Variants in ACOT12 observed in about 807,000 individuals in gnomAD.
ACOT12 encodes acetyl-coenzyme A thioesterase.
Under a neutral mutation model 67.7 loss-of-function variants are expected in ACOT12, and 51 were observed. The observed-to-expected ratio is 0.75, with a 90% CI of 0.60 to 0.95. The LOEUF is 0.95. Ranked by LOEUF, ACOT12 falls within the 40% of genes least tolerant of loss-of-function variation. ACOT12 has a pLI of 0.00. For missense variants in ACOT12, 734 were observed against 708.1 expected (o/e 1.04, Z -0.41); for synonymous variants, 251 against 244.6 (o/e 1.03, Z -0.24).
intron 3 of ACOT12, among the ~76,000 whole-genome samples, chr5:81,365,862 G>A (rs540121445): frequency 6.6e-6 from 1 of 152,204 alleles, no homozygotes; most frequent in East Asian, 1.9e-4. Flanking sequence ...GTGGGTTAGA[G>A]TACCAGAGAA....
At chr5:81,355,711 G>A (rs561688293) in intron 5 of ACOT12, among the ~76,000 whole-genome samples, 6 of 152,322 alleles carry the variant, frequency 3.9e-5, no homozygotes, top group African/African-American at 1.4e-4. Flanking sequence ...GAGTAAGTCC[G>A]GTGGGAGGAG....
chr5:81,316,341 A>G, the ACOT12 span, among the ~76,000 whole-genome samples: 1 of 152,096 alleles, frequency 6.6e-6, no homozygotes, highest in Non-Finnish European at 1.5e-5. Context: ...GGCATCTACT[A>G]ATTTACCTTC....
chr5:81,309,689 C>T, the ACOT12 span, among the ~76,000 whole-genome samples: 3 of 152,198 alleles, frequency 2.0e-5, no homozygotes, highest in Non-Finnish European at 4.4e-5. Context: ...GTTGGTCAGA[C>T]TTGGGTTACA....
intron 11 of ACOT12, 87 bp downstream of exon 11, chr5:81,342,585 G>A: frequency 7.6e-7 from 1 of 1,307,568 alleles, no homozygotes; most frequent in Non-Finnish European, 1.1e-6. Context: ...CTTCTTAAAA[G>A]CCTCAGTAGA....
At chr5:81,388,912 C>T (rs970220504) in intron 1 of ACOT12, among the ~76,000 whole-genome samples, 8 of 152,176 alleles carry the variant, frequency 5.3e-5, no homozygotes, top group African/African-American at 1.4e-4. Flanking sequence ...TTCTCATTTT[C>T]TCTCCTGCCA....
intron 2 of ACOT12, among the ~76,000 whole-genome samples, chr5:81,377,808 A>T (rs538731666): frequency 3.1e-4 from 47 of 152,294 alleles, no homozygotes; most frequent in African/African-American, 1.1e-3. Context: ...CAAGGAGAAC[A>T]ACAAACCACT....
At chr5:81,380,296 G>T (rs1177911660) in intron 2 of ACOT12, among the ~76,000 whole-genome samples, 2 of 152,046 alleles carry the variant, frequency 1.3e-5, no homozygotes, top group Non-Finnish European at 2.9e-5. Flanking sequence ...AGGCATGGTG[G>T]CTCACACCTG....
At position 81,343,209 on chromosome 5, in the gene ACOT12, C is replaced by T. The variant is rs186937558; in HGVS notation, c.1045-454G>A. 1.5e-4 allele frequency among the ~76,000 whole-genome samples: 22 copies of T among 149,454 alleles called. No homozygotes were observed. The East Asian group carries it at 4.1e-3, about 28-fold the overall frequency. On this transcript the variant is annotated intron_variant, in intron 10 of 14. Transcript: ENST00000307624. Reference sequence around the variant, plus strand: ...CTCAAAAAAATACCAAAAAAAAACCCAACAAAAACAAAAACAAAAGCAAAA... The same window carrying T: ...CTCAAAAAAATACCAAAAAAAAACCTAACAAAAACAAAAACAAAAGCAAAA...
downstream of ACOT12, among the ~76,000 whole-genome samples, chr5:81,326,394 G>A (rs1381904389): frequency 6.6e-6 from 1 of 152,090 alleles, no homozygotes; most frequent in Non-Finnish European, 1.5e-5. Flanking sequence ...AAAGTGTTGG[G>A]ATTACATTCA....
intron 3 of ACOT12, among the ~76,000 whole-genome samples, chr5:81,366,619 A>G (rs1313389366): frequency 1.3e-5 from 2 of 152,220 alleles, no homozygotes; most frequent in African/African-American, 2.4e-5. Flanking sequence ...ATTTTTATTC[A>G]TAAAAACAGG....
chr5:81,316,621 G>GTA, the ACOT12 span, among the ~76,000 whole-genome samples: 3 of 152,188 alleles, frequency 2.0e-5, no homozygotes, highest in African/African-American at 7.2e-5. Flanking sequence ...ATACCTAGGA[G>GTA]TATATACCTA....
chr5:81,348,558 C>T (rs1201223556), intron 5 of ACOT12, among the ~76,000 whole-genome samples: 1 of 152,102 alleles, frequency 6.6e-6, no homozygotes, highest in African/African-American at 2.4e-5. Context: ...TATACTTCTT[C>T]ATGTCCTTCT....
chr5:81,308,841 T>TAA, the ACOT12 span: 6 of 1,378,052 alleles, frequency 4.4e-6, no homozygotes, highest in South Asian at 9.2e-5. Flanking sequence ...GATTAAATTT[T>TAA]AAGTTATGTA....
chr5:81,311,171 A>G, the ACOT12 span: 1 of 1,610,206 alleles, frequency 6.2e-7, no homozygotes, highest in Non-Finnish European at 8.5e-7. Flanking sequence ...AACCCCTTGC[A>G]AGTATGAGAT....
intron 2 of ACOT12, among the ~76,000 whole-genome samples, chr5:81,378,629 C>A (rs1455424017): frequency 1.3e-5 from 2 of 152,030 alleles, no homozygotes; most frequent in African/African-American, 4.8e-5. Flanking sequence ...AGAACTTAAA[C>A]AAATTTACAA....
At chr5:81,323,194 C>T in the ACOT12 span, among the ~76,000 whole-genome samples, 1 of 151,784 alleles carries the variant, frequency 6.6e-6, no homozygotes, top group South Asian at 2.1e-4. Flanking sequence ...TAGGCTCTAT[C>T]AGTCAGTTTC....
intron 11 of ACOT12, among the ~76,000 whole-genome samples, chr5:81,336,772 A>G (rs1198561098): frequency 6.6e-6 from 1 of 152,188 alleles, no homozygotes; most frequent in Non-Finnish European, 1.5e-5. Context: ...AAACAAACAA[A>G]TATGGGGTTA....
At chr5:81,308,666 G>A in the ACOT12 span, 2 of 1,613,524 alleles carry the variant, frequency 1.2e-6, no homozygotes, top group African/African-American at 1.3e-5. Flanking sequence ...TGGGTCCACA[G>A]AGCACGAAAT....
At chr5:81,314,366 G>T in the ACOT12 span, among the ~76,000 whole-genome samples, 18 of 152,202 alleles carry the variant, frequency 1.2e-4, no homozygotes, top group South Asian at 1.5e-3. Context: ...GCCTCCCAAA[G>T]TGCTGGGATT....
Sources: gnomAD v4.1 joint callset for allele counts (sites outside exome capture counted in the v4.1 genomes callset) on GRCh38, gnomAD v4.1.1 for gene constraint, MANE v1.5 for transcripts, NCBI Gene and HGNC (gene_info 2026-07-23, HGNC 2026-07-21) for gene names.